HEXB: variants seen among roughly 807,000 people sequenced by gnomAD.
The protein encoded by HEXB is beta-hexosaminidase subunit beta.
HEXB carries 51 observed loss-of-function variants against 71.2 expected under a neutral mutation model. The observed-to-expected ratio is 0.72, with a 90% confidence interval of 0.57 to 0.90. The LOEUF (loss-of-function observed/expected upper bound fraction) is 0.90. HEXB is among the 40% of genes least tolerant of loss of function. The probability of loss-of-function intolerance (pLI) is 0.00; values close to 1 mark genes in which losing one functional copy is unlikely to be tolerated. For synonymous variants in HEXB, 266 were observed against 249.3 expected, an observed-to-expected ratio of 1.07 and a Z score of -0.63; for missense variants, 617 against 677.0, an observed-to-expected ratio of 0.91 and a Z score of 0.98.
intron 6 of HEXB, among the ~76,000 whole-genome samples, chr5:74,712,722 A>G (rs1315719144): frequency 1.3e-5 from 2 of 152,104 alleles, no homozygotes; most frequent in African/African-American, 2.4e-5. Context: ...ATGTCCCTGT[A>G]TTTACTATAA....
chr5:74,694,375 C>G (rs1388281264), intron 3 of HEXB, among the ~76,000 whole-genome samples: 1 of 152,092 alleles, frequency 6.6e-6, no homozygotes, highest in African/African-American at 2.4e-5. Context: ...ATCTCTCTTC[C>G]CTAATTTTAA....
At chr5:74,663,029 C>A (rs1222428737) in intron 1 of HEXB, among the ~76,000 whole-genome samples, 4 of 152,302 alleles carry the variant, frequency 2.6e-5, no homozygotes, top group African/African-American at 9.6e-5. Flanking sequence ...CAAGATTTAA[C>A]AAAATAAGTA....
rs377533296 is a variant in HEXB, at chr5:74,721,071, TATCAATCTAA to T, written c.1614-35_1614-26del. The stretch of plus-strand genomic sequence containing the variant: ...CAATCTAAAATATCTTTATGAATGA[TATCAATCTAA>T]ATCAATCTAAAATATCTTTATTCAT... On this transcript the variant is annotated intron_variant, in intron 13 of 13. Coordinates refer to ENST00000261416, the MANE Select transcript of HEXB (RefSeq NM_000521.4). The T allele has an allele frequency of 3.2e-5, 44 of 1,382,012 alleles. 2 individuals are homozygous for T. In the African/African-American group the frequency reaches 3.4e-4, roughly 11 times the overall value. 85.6% of individuals were successfully genotyped at this position (1,382,012 alleles called of 1,614,324 possible).
intron 6 of HEXB, among the ~76,000 whole-genome samples, chr5:74,711,469 A>G (rs1749539395): frequency 6.6e-6 from 1 of 152,206 alleles, no homozygotes; most frequent in Admixed American, 6.5e-5. Context: ...TCTGCACAGG[A>G]AAAGAAACTA....
intron 5 of HEXB, among the ~76,000 whole-genome samples, chr5:74,699,046 G>A (rs1051350870): frequency 3.3e-5 from 5 of 151,830 alleles, no homozygotes; most frequent in Non-Finnish European, 5.9e-5. Flanking sequence ...TTAGCCAGGC[G>A]TGGTGGTGCA....
chr5:74,707,050 G>A, intron 6 of HEXB, among the ~76,000 whole-genome samples: 1 of 152,246 alleles, frequency 6.6e-6, no homozygotes, highest in African/African-American at 2.4e-5. Flanking sequence ...CCCAGTAGGG[G>A]CAGACTGACA....
rs566302720 is a variant in HEXB, at chr5:74,677,490, C to CTTTTT, written c.-376-11819_-376-11815dup. The stretch of plus-strand genomic sequence containing the variant: ...AGTTTGCATTTCTTTTCTTCTTCTT[C>CTTTTT]TTTTTTTTTTTTTTTTTTTTTTTGG... On this transcript the variant is annotated intron_variant, in intron 1 of 13. Transcript: ENST00000511181. Among the ~76,000 whole-genome samples the CTTTTT allele has an allele frequency of 2.4e-3, 189 of 77,246 alleles. 1 individual carries two copies. Among genetic ancestry groups the CTTTTT allele is most frequent in the African/African-American group, 6.2e-3 (144 of 23,260 alleles). The allele number at this position is 77,246 out of a possible 152,430, so 50.7% of individuals were successfully genotyped here. A position where few individuals can be genotyped will look rare whatever the true frequency, so the allele number is the denominator to read the frequency against.
chr5:74,697,110 AGT>A lies in HEXB; in HGVS notation c.669+5_669+6del. 1 of 1,213,310 alleles carries A rather than the reference AGT, an allele frequency of 8.2e-7. No homozygotes were observed. 75.2% of individuals were successfully genotyped at this position (1,213,310 alleles called of 1,614,324 possible). On this transcript the variant is annotated splice_donor_5th_base_variant and intron_variant, in intron 5 of 13. Transcript: ENST00000261416. ...TAAGATTATTCTTAAAACTCTGGTA[AGT>A]AATTACTTCATTCTAATCTGTTGTC... is the stretch of plus-strand genomic sequence containing the variant.
intron 1 of HEXB, among the ~76,000 whole-genome samples, chr5:74,645,597 G>A (rs1747988417): frequency 6.6e-6 from 1 of 152,122 alleles, no homozygotes; most frequent in Non-Finnish European, 1.5e-5. Context: ...GCCCTTCAAG[G>A]AGTGACATTT....
intron 1 of HEXB, among the ~76,000 whole-genome samples, chr5:74,670,011 G>T (rs1485292652): frequency 1.3e-5 from 2 of 152,142 alleles, no homozygotes; most frequent in Non-Finnish European, 2.9e-5. Flanking sequence ...ACAGGGGTGG[G>T]TCCCCAGTGA....
At chr5:74,645,685 T>C (rs1171716314) in intron 1 of HEXB, among the ~76,000 whole-genome samples, 2 of 152,202 alleles carry the variant, frequency 1.3e-5, no homozygotes, top group African/African-American at 4.8e-5. Flanking sequence ...TATTACTCTA[T>C]AAAGTTAGGT....
At chr5:74,701,031 A>G (rs1749248315) in intron 5 of HEXB, among the ~76,000 whole-genome samples, 1 of 151,442 alleles carries the variant, frequency 6.6e-6, no homozygotes. Flanking sequence ...TTTATTTTTT[A>G]GCAAAGAACC....
intron 1 of HEXB, among the ~76,000 whole-genome samples, chr5:74,643,523 G>A (rs540905464): frequency 6.6e-6 from 1 of 152,288 alleles, no homozygotes; most frequent in Non-Finnish European, 1.5e-5. Flanking sequence ...CTTGGGAGCA[G>A]GTCTTTGCCT....
At chr5:74,709,428 G>C (rs1749484087) in intron 6 of HEXB, among the ~76,000 whole-genome samples, 1 of 151,954 alleles carries the variant, frequency 6.6e-6, no homozygotes, top group Admixed American at 6.6e-5. Flanking sequence ...CAGAAGGCAA[G>C]AAATAACTAA....
chr5:74,657,805 G>T (rs1748248683), intron 1 of HEXB, among the ~76,000 whole-genome samples: 1 of 152,154 alleles, frequency 6.6e-6, no homozygotes, highest in Admixed American at 6.5e-5. Flanking sequence ...TGGCCTCTGT[G>T]CCTCACATGT....
chr5:74,695,226 C>T (rs1323200166), intron 3 of HEXB, among the ~76,000 whole-genome samples: 1 of 109,876 alleles, frequency 9.1e-6, no homozygotes, highest in Admixed American at 1.1e-4. Context: ...TTTTTTGAGA[C>T]AGAATCTTGC....
At chr5:74,655,176 T>C (rs978259278) in intron 1 of HEXB, among the ~76,000 whole-genome samples, 1 of 152,032 alleles carries the variant, frequency 6.6e-6, no homozygotes, top group African/African-American at 2.4e-5. Flanking sequence ...CAGGTATCTG[T>C]TAAGAAAGGG....
chr5:74,702,032 C>A (rs187168785), intron 5 of HEXB, among the ~76,000 whole-genome samples: 1 of 148,438 alleles, frequency 6.7e-6, no homozygotes, highest in East Asian at 2.0e-4. Context: ...GTCTCTTTGG[C>A]CACCATTAAT....
In HEXB at chr5:74,685,429, T is replaced by TG. The variant is rs771973471; in HGVS notation, c.171dup (p.Pro58AlafsTer57). 6.2e-7 allele frequency: 1 copy of TG among 1,604,314 alleles called. No individual in the cohort carries two copies. On this transcript the variant is annotated frameshift_variant, in exon 1 of 14. Transcript: ENST00000261416. LOFTEE classifies it high-confidence loss of function. ...CTCGGCCAAGCCGGGGCCGGCGCTG[T>TG]GGCCCCTGCCGCTCTTGGTGAAGAT...
Sources: gnomAD v4.1 joint callset for allele counts (sites outside exome capture counted in the v4.1 genomes callset) on GRCh38, gnomAD v4.1.1 for gene constraint, MANE v1.5 for transcripts, NCBI Gene and HGNC (gene_info 2026-07-23, HGNC 2026-07-21) for gene names.